The following ATXN10 variants were observed in gnomAD, a reference collection of about 807,000 sequenced individuals.
The protein encoded by ATXN10 is ataxin 10, also known as ataxin-10.
ATXN10 carries 28 observed loss-of-function variants against 52.9 expected under a neutral mutation model. The ratio of observed to expected loss-of-function variants is 0.53; its 90% CI spans 0.39 to 0.73. The LOEUF is 0.73. ATXN10 is among the 30% of genes least tolerant of loss of function. The probability of loss-of-function intolerance (pLI) is 0.00; values close to 1 mark genes in which losing one functional copy is unlikely to be tolerated. For missense variants in ATXN10, 565 were observed against 577.0 expected (o/e 0.98, Z 0.21); for synonymous variants, 226 against 221.5 (o/e 1.02, Z -0.18).
At chr22:45,716,382 A>G (rs570534306) in intron 5 of ATXN10, among the ~76,000 whole-genome samples, 2 of 145,338 alleles carry the variant, frequency 1.4e-5, no homozygotes, top group South Asian at 2.2e-4. Context: ...GCTGGAGTGC[A>G]TGGAGTGCAG....
rs1292095083 is a variant in ATXN10 at position 45,826,781 on chromosome 22, G to C, written c.1238-16210G>C. 2.6e-5 allele frequency among the ~76,000 whole-genome samples: 4 copies of C among 152,268 alleles called. No individual in the cohort carries two copies. Among genetic ancestry groups the C allele is most frequent in the African/African-American group, 7.2e-5 (3 of 41,550 alleles). ...CCACTAGACCTGCCTTGTAAGAAAT[G>C]CTCAAGGTAATCCTGCAGGATGAAA... is the stretch of plus-strand genomic sequence containing the variant. On this transcript the variant is annotated intron_variant, in intron 10 of 11. Transcript: ENST00000252934. The surrounding 1 kb of genome is among the most constrained non-coding windows in gnomAD (Gnocchi z 5.0).
rs545430113 is a variant in ATXN10, at chr22:45,759,120, G to T, written c.1173+18582G>T. On this transcript the variant is annotated intron_variant, in intron 9 of 11. Transcript: ENST00000252934. This position sits in a 1 kb window ranked among gnomAD's most constrained non-coding sequence, Gnocchi z 5.4. ...CAAATATTGATTAAGAGCACACTGT[G>T]TGCCAAGCATTATGCGAGGTGCTGG... is the stretch of plus-strand genomic sequence containing the variant. Among the ~76,000 whole-genome samples the T allele has an allele frequency of 1.3e-5, 2 of 152,338 alleles. No homozygotes were observed. Among genetic ancestry groups the T allele is most frequent in the Admixed American group, 1.3e-4 (2 of 15,302 alleles).
At chr22:45,724,845 G>C (rs1924804439) in intron 6 of ATXN10, among the ~76,000 whole-genome samples, 1 of 152,026 alleles carries the variant, frequency 6.6e-6, no homozygotes, top group South Asian at 2.1e-4. Context: ...TGTATGGTGA[G>C]AGATCTAGTT....
At chr22:45,679,869 A>G (rs1922850427) in intron 1 of ATXN10, 1 of 152,216 alleles carries the variant, frequency 6.6e-6, no homozygotes, top group African/African-American at 2.4e-5. Flanking sequence ...TCATACATTC[A>G]ATTATCTTAA....
At chr22:45,792,204 A>T (rs1337599142) in intron 9 of ATXN10, among the ~76,000 whole-genome samples, 2 of 152,232 alleles carry the variant, frequency 1.3e-5, no homozygotes, top group Non-Finnish European at 2.9e-5. Context: ...GAATTAGAAG[A>T]TTCAATGATA....
chr22:45,720,753 G>A (rs2146777552), intron 6 of ATXN10, among the ~76,000 whole-genome samples: 1 of 152,240 alleles, frequency 6.6e-6, no homozygotes, highest in East Asian at 1.9e-4. Context: ...TGGTGGGAAT[G>A]TAAATGGTGC....
intron 9 of ATXN10, chr22:45,793,368 G>T: frequency 8.2e-6 from 2 of 244,232 alleles, no homozygotes; most frequent in Non-Finnish European, 1.5e-5. Context: ...ATTGTTCTGT[G>T]CTTTTCTGCT....
intron 9 of ATXN10, among the ~76,000 whole-genome samples, chr22:45,771,795 T>C (rs550838631): frequency 2.0e-5 from 3 of 152,274 alleles, no homozygotes; most frequent in African/African-American, 7.2e-5. Flanking sequence ...TTAATTTTTA[T>C]TTTTTTAAAA....
At chr22:45,804,182 G>A (rs1928022770) in intron 9 of ATXN10, among the ~76,000 whole-genome samples, 1 of 152,156 alleles carries the variant, frequency 6.6e-6, no homozygotes, top group South Asian at 2.1e-4. Context: ...AACTGACAGT[G>A]GTCTCCAGAC....
rs889771209 is a variant in ATXN10 at position 45,688,280 on chromosome 22, A to G, written c.117-1432A>G. On this transcript the variant is annotated intron_variant, in intron 1 of 11. Coordinates refer to ENST00000252934, the MANE Select transcript of ATXN10 (RefSeq NM_013236.4). The surrounding 1 kb of genome is among the most constrained non-coding windows in gnomAD (Gnocchi z 4.0). ...GGGGGAGACATAGACAAATTATTTTATGTGCAGTTTCCCAGTTTTTAATTA... is the reference window on the plus strand; with the variant it reads ...GGGGGAGACATAGACAAATTATTTTGTGTGCAGTTTCCCAGTTTTTAATTA... Among the ~76,000 whole-genome samples, 4 of 152,164 alleles carry G rather than the reference A, an allele frequency of 2.6e-5. No homozygotes were observed. The highest frequency in any genetic ancestry group is 9.7e-5 in the African/African-American group (4 of 41,432).
intron 9 of ATXN10, among the ~76,000 whole-genome samples, chr22:45,776,631 A>G (rs1926966634): frequency 6.6e-6 from 1 of 152,084 alleles, no homozygotes; most frequent in Admixed American, 6.5e-5. Flanking sequence ...GCTGCCCACT[A>G]GTTGTGTGAT....
chr22:45,725,401 ATTT>A (rs60263048), intron 6 of ATXN10, among the ~76,000 whole-genome samples: 30 of 116,182 alleles, frequency 2.6e-4, no homozygotes, highest in African/African-American at 8.6e-4. Flanking sequence ...CAGGCATTTG[ATTT>A]TTTTTTTTTT....
rs1372289463 is a variant in ATXN10 at position 45,772,621 on chromosome 22, G to T, written c.1173+32083G>T. ...CTGCTGTGATTGTGATTGGAATTGC[G>T]TTAAATATACAGCTCTCTTTGGGGG... is the stretch of plus-strand genomic sequence containing the variant. On this transcript the variant is annotated intron_variant, in intron 9 of 11. Transcript: ENST00000252934. This position sits in a 1 kb window ranked among gnomAD's most constrained non-coding sequence, Gnocchi z 4.1. Among the ~76,000 whole-genome samples, 1 of 152,158 alleles carries T rather than the reference G, an allele frequency of 6.6e-6. No individual in the cohort carries two copies.
At chr22:45,761,834 T>C (rs1169473729) in intron 9 of ATXN10, among the ~76,000 whole-genome samples, 1 of 152,212 alleles carries the variant, frequency 6.6e-6, no homozygotes, top group Non-Finnish European at 1.5e-5. Context: ...TTTTTTAAAA[T>C]GTTGGCTAAA....
intron 1 of ATXN10, among the ~76,000 whole-genome samples, chr22:45,687,204 T>G (rs1201649944): frequency 6.6e-6 from 1 of 152,352 alleles, no homozygotes; most frequent in Non-Finnish European, 1.5e-5. Flanking sequence ...GCATTGGGAA[T>G]TATTCACAAC....
At chr22:45,755,035 A>C (rs1926124726) in intron 9 of ATXN10, among the ~76,000 whole-genome samples, 1 of 152,212 alleles carries the variant, frequency 6.6e-6, no homozygotes, top group Non-Finnish European at 1.5e-5. Context: ...CCTGGTGCTC[A>C]GGAAAGCCAG....
At chr22:45,832,093 C>T (rs1463402311) in intron 10 of ATXN10, among the ~76,000 whole-genome samples, 2 of 152,230 alleles carry the variant, frequency 1.3e-5, no homozygotes, top group East Asian at 1.9e-4. Context: ...ATTTTATTCT[C>T]ACCATTATGG....
rs1429421119 is a variant in ATXN10 at position 45,820,331 on chromosome 22, A to T, written c.1237+13309A>T. Among the ~76,000 whole-genome samples the T allele has an allele frequency of 6.6e-6, 1 of 152,230 alleles. No individual in the cohort carries two copies. The highest frequency in any genetic ancestry group is 1.5e-5 in the Non-Finnish European group (1 of 68,044). ...CTAGTTGGAGAAACAGGCCATTGTG[A>T]TAATACAGGACAGAACGCTAAGGGG... On this transcript the variant is annotated intron_variant, in intron 10 of 11. Coordinates refer to ENST00000252934, the MANE Select transcript of ATXN10 (RefSeq NM_013236.4). The surrounding 1 kb of genome is among the most constrained non-coding windows in gnomAD (Gnocchi z 4.9).
At chr22:45,794,597 G>A (rs1927642990) in intron 9 of ATXN10, among the ~76,000 whole-genome samples, 1 of 152,044 alleles carries the variant, frequency 6.6e-6, no homozygotes, top group Admixed American at 6.6e-5. Flanking sequence ...TTGCCTGTCA[G>A]TTTATAAGAA....
Sources: gnomAD v4.1 joint callset for allele counts (sites outside exome capture counted in the v4.1 genomes callset) on GRCh38, gnomAD v4.1.1 for gene constraint, Gnocchi (gnomAD v3.1) non-coding constraint, MANE v1.5 for transcripts, NCBI Gene and HGNC (gene_info 2026-07-23, HGNC 2026-07-21) for gene names.